Variants in ZNF248 observed in about 807,000 individuals in gnomAD.
The protein encoded by ZNF248 is KRAB protein domain.
A neutral mutation model predicts 44.3 loss-of-function variants in ZNF248; 20 were observed. The ratio of observed to expected loss-of-function variants is 0.45; its 90% CI spans 0.32 to 0.66. The LOEUF (loss-of-function observed/expected upper bound fraction) is 0.66. ZNF248 is among the 30% of genes least tolerant of loss of function. ZNF248 has a pLI of 0.04. For missense variants in ZNF248, 654 were observed against 677.0 expected, an observed-to-expected ratio of 0.97 and a Z score of 0.38; for synonymous variants, 224 against 229.0, an observed-to-expected ratio of 0.98 and a Z score of 0.20.
the ZNF248 span, among the ~76,000 whole-genome samples, chr10:37,760,195 G>GA: frequency 3.9e-5 from 6 of 152,130 alleles, no homozygotes; most frequent in Non-Finnish European, 7.4e-5. Context: ...TATATGGGGG[G>GA]AATAACTTCA....
intron 6 of ZNF248, among the ~76,000 whole-genome samples, chr10:37,807,737 T>C (rs562696464): frequency 2.0e-5 from 3 of 152,346 alleles, no homozygotes; most frequent in African/African-American, 7.2e-5. Flanking sequence ...GATTTTTGTG[T>C]GTTGATTTTG....
At chr10:37,848,735 C>T (rs1159681730) in intron 3 of ZNF248, among the ~76,000 whole-genome samples, 1 of 152,172 alleles carries the variant, frequency 6.6e-6, no homozygotes, top group African/African-American at 2.4e-5. Flanking sequence ...TGGAGATGTT[C>T]TAGGTTCTGG....
chr10:37,766,349 G>A, the ZNF248 span, among the ~76,000 whole-genome samples: 10 of 152,206 alleles, frequency 6.6e-5, no homozygotes, highest in Admixed American at 3.3e-4. Flanking sequence ...CTAACTGGGA[G>A]GCACCCTCTA....
At chr10:37,841,584 T>G (rs1283112809) in intron 3 of ZNF248, among the ~76,000 whole-genome samples, 2 of 152,152 alleles carry the variant, frequency 1.3e-5, no homozygotes, top group African/African-American at 4.8e-5. Flanking sequence ...GAATTCCTAA[T>G]AATTTATATG....
chr10:37,826,492 T>A (rs1363601836), downstream of ZNF248, among the ~76,000 whole-genome samples: 2 of 152,182 alleles, frequency 1.3e-5, no homozygotes, highest in African/African-American at 4.8e-5. Context: ...TCTTCTAAAG[T>A]TATGGACGTT....
At chr10:37,804,106 T>G (rs908842437) in intron 6 of ZNF248, among the ~76,000 whole-genome samples, 1 of 141,678 alleles carries the variant, frequency 7.1e-6, no homozygotes, top group African/African-American at 2.6e-5. Context: ...TTTTTCTTTT[T>G]TTTTTTTTTT....
chr10:37,829,122 T>C lies in ZNF248; in HGVS notation c.*2493A>G. On this transcript the variant is annotated 3_prime_UTR_variant, in exon 6 of 6. Transcript: ENST00000395867. ...CCACCTGGGCTCTCCAGCAGATGTA[T>C]CTGGTTGGTTTCTCCAAAGAGAGAC... 1 of 985,496 alleles carries C rather than the reference T, an allele frequency of 1.0e-6. No homozygotes were observed. 61.0% of individuals were successfully genotyped at this position (985,496 alleles called of 1,614,324 possible).
chr10:37,774,034 C>A (rs1340764886), downstream of ZNF248, among the ~76,000 whole-genome samples: 2 of 152,066 alleles, frequency 1.3e-5, no homozygotes, highest in Non-Finnish European at 2.9e-5. Context: ...CATATCCTAT[C>A]AGTTGTTTCT....
At chr10:37,800,064 A>C (rs917310933) in intron 6 of ZNF248, among the ~76,000 whole-genome samples, 9 of 152,198 alleles carry the variant, frequency 5.9e-5, no homozygotes, top group African/African-American at 2.2e-4. Flanking sequence ...AAATAAAAAA[A>C]GAAAAGAAAG....
the ZNF248 span, among the ~76,000 whole-genome samples, chr10:37,759,609 GC>G: frequency 6.6e-6 from 1 of 152,174 alleles, no homozygotes; most frequent in Non-Finnish European, 1.5e-5. Context: ...CAGATAGATG[GC>G]TTAGTGAAAG....
rs57501241 is a variant in ZNF248 at position 37,851,768 on chromosome 10, CAAAAAAAAAAAAAAAA to C, written c.15+4512_15+4527del. 6.2e-4 allele frequency among the ~76,000 whole-genome samples: 20 copies of C among 32,062 alleles called. 1 individual carries two copies. In the Admixed American group the frequency reaches 8.2e-3, roughly 13 times the overall value. 21.0% of individuals were successfully genotyped at this position (32,062 alleles called of 152,430 possible). ...ATCACTATATACCCATCAGAATGACCAAAAAAAAAAAAAAAAAAAAAAAAAACCAGTGCTAACACCA... is the reference window on the plus strand; with the variant it reads ...ATCACTATATACCCATCAGAATGACCAAAAAAAAAACCAGTGCTAACACCA... On this transcript the variant is annotated intron_variant, in intron 3 of 5. Transcript: ENST00000395867.
At chr10:37,787,009 T>A (rs900586449) in intron 6 of ZNF248, among the ~76,000 whole-genome samples, 1 of 152,122 alleles carries the variant, frequency 6.6e-6, no homozygotes, top group African/African-American at 2.4e-5. Context: ...GCCAGGCACT[T>A]TGGCTCATGC....
At chr10:37,855,451 A>G (rs1396324642) in intron 3 of ZNF248, among the ~76,000 whole-genome samples, 1 of 152,136 alleles carries the variant, frequency 6.6e-6, no homozygotes, top group Non-Finnish European at 1.5e-5. Context: ...AGGAAAAAAA[A>G]TGAAACCAGT....
intron 6 of ZNF248, among the ~76,000 whole-genome samples, chr10:37,817,375 T>A (rs540743869): frequency 4.0e-4 from 61 of 150,744 alleles, no homozygotes; most frequent in South Asian, 8.4e-4. Flanking sequence ...CCTTTATTTT[T>A]AAAAAAAAAA....
the ZNF248 span, among the ~76,000 whole-genome samples, chr10:37,760,968 C>A: frequency 6.6e-6 from 1 of 152,158 alleles, no homozygotes; most frequent in Non-Finnish European, 1.5e-5. Flanking sequence ...AATAATGAAA[C>A]CACAAGAACG....
downstream of ZNF248, chr10:37,776,171 GACTGGAGATAGA>G (rs2046570491): frequency 6.2e-6 from 1 of 160,490 alleles, no homozygotes; most frequent in African/African-American, 2.4e-5. Context: ...GTTGGTTAAA[GACTGGAGATAGA>G]ACTCCTCCAG....
intron 3 of ZNF248, among the ~76,000 whole-genome samples, chr10:37,839,905 C>A (rs1293733126): frequency 1.3e-5 from 2 of 152,170 alleles, no homozygotes; most frequent in Non-Finnish European, 2.9e-5. Context: ...ATGTAACATT[C>A]ACCAACACAG....
At chr10:37,790,105 CA>C (rs35795208) in intron 6 of ZNF248, among the ~76,000 whole-genome samples, 41,462 of 123,006 alleles carry the variant, frequency 0.34, 6,541 homozygotes, top group East Asian at 0.48. Context: ...ACTGAAAATA[CA>C]AAAAAAAAAA....
chr10:37,810,853 T>C (rs1175166936), intron 6 of ZNF248, among the ~76,000 whole-genome samples: 1 of 152,182 alleles, frequency 6.6e-6, no homozygotes, highest in African/African-American at 2.4e-5. Flanking sequence ...CTGTAGTATA[T>C]ACTATACTAC....
Sources: gnomAD v4.1 joint callset for allele counts (sites outside exome capture counted in the v4.1 genomes callset) on GRCh38, gnomAD v4.1.1 for gene constraint, MANE v1.5 for transcripts, NCBI Gene and HGNC (gene_info 2026-07-23, HGNC 2026-07-21) for gene names.